CEP72: variants seen among roughly 807,000 people sequenced by gnomAD.
The protein encoded by CEP72 is centrosomal protein 72.
In CEP72, 78 loss-of-function variants were observed where a neutral mutation model predicts 65.7. The ratio of observed to expected loss-of-function variants is 1.19; its 90% CI spans 0.99 to 1.43. CEP72 has a LOEUF of 1.43. Ranked by LOEUF, CEP72 falls within the 40% of genes most tolerant of loss-of-function variation. The pLI, the probability that CEP72 is intolerant of heterozygous loss-of-function variation, is 0.00. For missense variants in CEP72, 914 were observed against 832.9 expected (o/e 1.10, Z -1.20); for synonymous variants, 358 against 351.7 (o/e 1.02, Z -0.20).
intron 4 of CEP72, among the ~76,000 whole-genome samples, chr5:625,984 T>C (rs552114626): frequency 1.3e-4 from 19 of 151,236 alleles, no homozygotes; most frequent in African/African-American, 4.1e-4. Context: ...AGTCGCTGTT[T>C]CCAAGAAAGG....
rs1232830367 is a variant in CEP72, at chr5:635,507, A to C, written c.827A>C (p.Glu276Ala). 1 of 1,613,902 alleles carries C rather than the reference A, an allele frequency of 6.2e-7. No individual in the cohort carries two copies. The highest frequency in any genetic ancestry group is 8.5e-7 in the Non-Finnish European group (1 of 1,180,024). ...EKMPWSQLCG[E>A]LPPLYGAEPE... ...ATGCCTTGGAGCCAGCTCTGTGGAGAGCTTCCGCCACTGTACGGAGCGGAG... is the reference window on the plus strand; with the variant it reads ...ATGCCTTGGAGCCAGCTCTGTGGAGCGCTTCCGCCACTGTACGGAGCGGAG... Residue 276 changes from glutamate to alanine, a missense_variant, in exon 6 of 12, where the codon GAG becomes GCG. Coordinates refer to ENST00000264935, the MANE Select transcript of CEP72 (RefSeq NM_018140.4).
At chr5:628,486 G>GT (rs1403698466) in intron 4 of CEP72, among the ~76,000 whole-genome samples, 6 of 135,804 alleles carry the variant, frequency 4.4e-5, no homozygotes, top group African/African-American at 1.6e-4. Flanking sequence ...TCAGGTTGCC[G>GT]TCCCTGGGGA....
intron 3 of CEP72, among the ~76,000 whole-genome samples, chr5:622,710 T>A (rs1418695751): frequency 2.0e-5 from 3 of 152,242 alleles, no homozygotes; most frequent in Admixed American, 2.0e-4. Flanking sequence ...CTGCTGTGCC[T>A]GACACTCTTC....
chr5:636,830 AAAAG>A (rs1737637557), intron 6 of CEP72, among the ~76,000 whole-genome samples: 1 of 151,808 alleles, frequency 6.6e-6, no homozygotes, highest in African/African-American at 2.4e-5. Flanking sequence ...AAAAAAAAGA[AAAAG>A]AGAAACCTTG....
chr5:634,898 T>C (rs925383495), intron 5 of CEP72, among the ~76,000 whole-genome samples: 2 of 152,200 alleles, frequency 1.3e-5, no homozygotes, highest in African/African-American at 2.4e-5. Flanking sequence ...ATTTTGTTTT[T>C]TGTTTTGTTT....
intron 9 of CEP72, chr5:644,075 C>T: frequency 1.2e-5 from 6 of 520,116 alleles, no homozygotes; most frequent in Non-Finnish European, 2.1e-5. Flanking sequence ...CGCTCCTTTC[C>T]ATCCCTCTCC....
downstream of CEP72, among the ~76,000 whole-genome samples, chr5:668,542 GACAA>G (rs1740048553): frequency 1.7e-5 from 2 of 117,676 alleles, no homozygotes; most frequent in South Asian, 5.7e-4. Context: ...AGGGGGCTCA[GACAA>G]TCAAATAAAC....
chr5:644,046 G>A, intron 9 of CEP72: 1 of 432,442 alleles, frequency 2.3e-6, no homozygotes, highest in Non-Finnish European at 4.2e-6. Flanking sequence ...TCAGGAGTGG[G>A]GCTCTCACAG....
chr5:664,551 C>T (rs1264359650), intron 2 of CEP72: 1 of 155,508 alleles, frequency 6.4e-6, no homozygotes, highest in South Asian at 2.0e-4. Flanking sequence ...CCAGCACCCC[C>T]GCCAGGTGGC....
intron 10 of CEP72, among the ~76,000 whole-genome samples, chr5:647,040 C>T (rs756590684): frequency 4.6e-5 from 7 of 152,358 alleles, no homozygotes; most frequent in African/African-American, 1.2e-4. Flanking sequence ...TCATGCCCTA[C>T]GTGAACATGT....
chr5:615,078 C>G (rs116446967), intron 1 of CEP72, among the ~76,000 whole-genome samples: 1,856 of 148,242 alleles, frequency 0.013, 18 homozygotes, highest in Middle Eastern at 0.021. Context: ...AATTACATAG[C>G]TAGGATTTTT....
intron 1 of CEP72, among the ~76,000 whole-genome samples, chr5:617,594 G>A (rs983220023): frequency 2.6e-5 from 4 of 152,208 alleles, no homozygotes; most frequent in Non-Finnish European, 2.9e-5. Context: ...CAGGGTGTGG[G>A]GGACAATGAA....
At chr5:635,642 G>GT in intron 6 of CEP72, 58 bp downstream of exon 6, 1 of 1,345,244 alleles carries the variant, frequency 7.4e-7, no homozygotes, top group Non-Finnish European at 1.1e-6. Flanking sequence ...CACAGACTGA[G>GT]TAATTTATAA....
chr5:641,131 G>A, intron 9 of CEP72: 1 of 985,134 alleles, frequency 1.0e-6, no homozygotes, highest in Non-Finnish European at 1.2e-6. Flanking sequence ...CGTGGGCCGG[G>A]GCCGCCGTCT....
intron 4 of CEP72, chr5:666,215 G>T: frequency 7.0e-7 from 1 of 1,425,652 alleles, no homozygotes; most frequent in South Asian, 1.3e-5. Flanking sequence ...GACAGCCATG[G>T]CCCAGCAGCC....
intron 4 of CEP72, among the ~76,000 whole-genome samples, chr5:626,217 T>G (rs918728641): frequency 6.6e-6 from 1 of 152,160 alleles, no homozygotes; most frequent in Non-Finnish European, 1.5e-5. Flanking sequence ...CGGTATACCT[T>G]TTATTTCCTT....
chr5:651,485 G>C (rs1739091631), intron 11 of CEP72, among the ~76,000 whole-genome samples: 1 of 151,984 alleles, frequency 6.6e-6, no homozygotes, highest in South Asian at 2.1e-4. Flanking sequence ...GGGGCAACCT[G>C]GTTCCCCTGG....
chr5:661,593 A>G (rs1739610370), downstream of CEP72: 1 of 152,456 alleles, frequency 6.6e-6, no homozygotes, highest in Non-Finnish European at 1.5e-5. Context: ...AGAAGAGAAC[A>G]CACACCTGCC....
rs192978102 is a variant in CEP72, at chr5:641,809, C to T, written c.1539+1205C>T. 92 of 984,346 alleles carry T rather than the reference C, an allele frequency of 9.3e-5. 1 individual carries two copies. In the African/African-American group the frequency reaches 1.5e-3, roughly 17 times the overall value. The allele number at this position is 984,346 out of a possible 1,614,324, so 61.0% of individuals were successfully genotyped here. A position where few individuals can be genotyped will look rare whatever the true frequency, so the allele number is the denominator to read the frequency against. On this transcript the variant is annotated intron_variant, in intron 9 of 11. Coordinates refer to ENST00000264935, the MANE Select transcript of CEP72 (RefSeq NM_018140.4). The stretch of plus-strand genomic sequence containing the variant: ...CTAGAAGCCTGTGCATTTAAGCACA[C>T]GTGGTCCCCGGTCCAGAAGCCTCTG...
Sources: allele counts gnomAD v4.1 joint callset (sites outside exome capture counted in the v4.1 genomes callset), GRCh38; gene constraint gnomAD v4.1.1; transcripts MANE v1.5; gene names NCBI Gene and HGNC (gene_info 2026-07-23, HGNC 2026-07-21).